PLCG2: variants seen among roughly 807,000 people sequenced by gnomAD.
PLCG2 encodes 1-phosphatidylinositol 4,5-bisphosphate phosphodiesterase gamma-2.
PLCG2 carries 69 observed loss-of-function variants against 175.6 expected under a neutral mutation model. The ratio of observed to expected loss-of-function variants is 0.39; its 90% CI spans 0.32 to 0.48. The LOEUF (loss-of-function observed/expected upper bound fraction) is 0.48, where lower values mean the gene tolerates loss of function less well. Ranked by LOEUF, PLCG2 falls within the 20% of genes least tolerant of loss-of-function variation. The pLI, the probability that PLCG2 is intolerant of heterozygous loss-of-function variation, is 0.91. For synonymous variants in PLCG2, 827 were observed against 624.0 expected, an observed-to-expected ratio of 1.33 and a Z score of -4.85; for missense variants, 1,798 against 1,650.9, an observed-to-expected ratio of 1.09 and a Z score of -1.54.
intron 17 of PLCG2, among the ~76,000 whole-genome samples, chr16:81,909,245 C>A (rs895953458): frequency 6.6e-6 from 1 of 152,124 alleles, no homozygotes; most frequent in Non-Finnish European, 1.5e-5. Flanking sequence ...GTGATGAGTG[C>A]AATGAAACAA....
intron 15 of PLCG2, 139 bp from the exon 16 acceptor site, chr16:81,907,546 G>A: frequency 3.7e-6 from 2 of 540,846 alleles, no homozygotes; most frequent in Non-Finnish European, 6.7e-6. Context: ...TGAATTCAGA[G>A]AATTCGCCAT....
At chr16:81,887,845 C>G (rs567742484) in intron 9 of PLCG2, among the ~76,000 whole-genome samples, 1 of 152,338 alleles carries the variant, frequency 6.6e-6, no homozygotes, top group South Asian at 2.1e-4. Flanking sequence ...GAGAGGAAAG[C>G]AACAGTTACT....
chr16:81,961,348 GA>G lies in PLCG2; in HGVS notation c.*3354del, dbSNP rs1911770965. On this transcript the variant is annotated 3_prime_UTR_variant, in exon 33 of 33. Coordinates refer to ENST00000564138, the MANE Select transcript of PLCG2 (RefSeq NM_002661.5). ...TCTACATAGATGAAATAATTGTGGAGAAAAGCCCTCTTTATCTCATTAAGTG... is the reference window on the plus strand; with the variant it reads ...TCTACATAGATGAAATAATTGTGGAGAAAGCCCTCTTTATCTCATTAAGTG... 1 of 226,164 alleles carries G rather than the reference GA, an allele frequency of 4.4e-6. No individual in the cohort carries two copies. The highest frequency in any genetic ancestry group is 6.4e-5 in the East Asian group (1 of 15,524). 14.0% of individuals were successfully genotyped at this position (226,164 alleles called of 1,614,324 possible). A position where few individuals can be genotyped will look rare whatever the true frequency, so the allele number is the denominator to read the frequency against.
chr16:81,805,754 A>G (rs1911977787), intron 2 of PLCG2, among the ~76,000 whole-genome samples: 1 of 115,816 alleles, frequency 8.6e-6, no homozygotes, highest in African/African-American at 3.7e-5. Context: ...CCATGAGAGT[A>G]GTGTTTTGTT....
rs1071644 is a variant in PLCG2 at position 81,937,798 on chromosome 16, T to C, written c.3093T>C (p.Asn1031=). The change falls in exon 28 of 33, where the codon AAT becomes AAC. Residue 1031 remains asparagine (N), a synonymous_variant. Transcript: ENST00000564138. The stretch of plus-strand genomic sequence containing the variant: ...TGAATCACGCATTGTTTTCTCTCAA[T>C]GGGCGCACGGGCTACGTTCTGCAGC... ...MQMNHALFSL[N]GRTGYVLQPE... 0.49 allele frequency: 788,731 copies of C among 1,613,270 alleles called. 200,986 individuals carry two copies. The highest frequency in any genetic ancestry group is 0.53 in the Non-Finnish European group (621,224 of 1,179,386).
chr16:81,842,305 G>A (rs540224698), intron 2 of PLCG2, among the ~76,000 whole-genome samples: 43 of 152,308 alleles, frequency 2.8e-4, no homozygotes, highest in Non-Finnish European at 5.0e-4. Flanking sequence ...CCCCAGTGTG[G>A]ACTCTGTTGC....
chr16:81,839,536 C>T (rs541034586), intron 2 of PLCG2, among the ~76,000 whole-genome samples: 1 of 152,158 alleles, frequency 6.6e-6, no homozygotes, highest in South Asian at 2.1e-4. Context: ...ACCATGAGTA[C>T]TATTTTATAT....
intron 7 of PLCG2, among the ~76,000 whole-genome samples, chr16:81,880,104 G>A (rs564123162): frequency 1.6e-4 from 24 of 152,310 alleles, no homozygotes; most frequent in Admixed American, 1.3e-3. Context: ...AGCCGGGCAT[G>A]GTGGCGCATG....
intron 13 of PLCG2, among the ~76,000 whole-genome samples, chr16:81,896,340 C>T (rs1908885752): frequency 6.7e-6 from 1 of 148,746 alleles, no homozygotes; most frequent in Non-Finnish European, 1.5e-5. Context: ...GCCTGGGCAA[C>T]ATGGTGAAAC....
intron 13 of PLCG2, among the ~76,000 whole-genome samples, chr16:81,897,522 TC>T (rs909111048): frequency 1.3e-5 from 2 of 148,742 alleles, no homozygotes; most frequent in African/African-American, 2.5e-5. Context: ...GATTATTTTT[TC>T]TCTTTTTTTC....
chr16:81,748,978 T>G (rs1268006699), intron 1 of PLCG2, among the ~76,000 whole-genome samples: 1 of 152,128 alleles, frequency 6.6e-6, no homozygotes, highest in Non-Finnish European at 1.5e-5. Flanking sequence ...CTGAGGCCTG[T>G]GGCGGGGGGT....
At chr16:81,764,102 G>A (rs536764198) in intron 2 of PLCG2, among the ~76,000 whole-genome samples, 2 of 152,074 alleles carry the variant, frequency 1.3e-5, no homozygotes, top group Non-Finnish European at 2.9e-5. Flanking sequence ...AGACCAGCCT[G>A]GGTAACATGG....
intron 19 of PLCG2, among the ~76,000 whole-genome samples, chr16:81,919,055 C>T (rs1172243015): frequency 2.6e-5 from 4 of 152,186 alleles, no homozygotes; most frequent in East Asian, 1.9e-4. Context: ...GTTGCAGCTA[C>T]ACAACTCTGC....
intron 19 of PLCG2, among the ~76,000 whole-genome samples, chr16:81,918,499 C>A (rs376725052): frequency 1.1e-4 from 17 of 152,144 alleles, no homozygotes; most frequent in East Asian, 5.8e-4. Context: ...ACTTATTTAA[C>A]AGACTGTCCT....
rs1334798852 is a variant in PLCG2, at chr16:81,960,838, A to G, written c.*2840A>G. Reference sequence around the variant, plus strand: ...AGTATACCAGAGCTTTCCAAGGAATACACAGACTCCAGTACTCTCAGGGGA... The same window carrying G: ...AGTATACCAGAGCTTTCCAAGGAATGCACAGACTCCAGTACTCTCAGGGGA... On this transcript the variant is annotated 3_prime_UTR_variant, in exon 33 of 33. Transcript: ENST00000564138. 2 of 229,712 alleles carry G rather than the reference A, an allele frequency of 8.7e-6. No homozygotes were observed. Among genetic ancestry groups the G allele is most frequent in the South Asian group, 1.8e-4 (1 of 5,510 alleles). The allele number at this position is 229,712 out of a possible 1,614,324, so 14.2% of individuals were successfully genotyped here. A position where few individuals can be genotyped will look rare whatever the true frequency, so the allele number is the denominator to read the frequency against.
chr16:81,802,006 A>G (rs894668953), intron 2 of PLCG2, among the ~76,000 whole-genome samples: 1 of 150,326 alleles, frequency 6.7e-6, no homozygotes, highest in African/African-American at 2.4e-5. Flanking sequence ...AATGGCTTCC[A>G]AAAAATCTGT....
At chr16:81,937,944 C>T in intron 28 of PLCG2, 41 bp downstream of exon 28, 2 of 1,606,918 alleles carry the variant, frequency 1.2e-6, no homozygotes, top group Non-Finnish European at 1.7e-6. Context: ...AGCCAGCCGC[C>T]CTCCCTGGGG....
chr16:81,938,685 A>T lies in PLCG2; in HGVS notation c.3199-116A>T, dbSNP rs566524858. On this transcript the variant is annotated intron_variant, in intron 28 of 32. Transcript: ENST00000564138. ...TCCGGCTTTTCCAGTGAATCTAGGA[A>T]AATTAGGGCTGGCATTGAACTCATC... 3.1e-4 allele frequency: 194 copies of T among 628,746 alleles called. 3 individuals are homozygous for T. In the South Asian group the frequency reaches 3.6e-3, roughly 12 times the overall value. The allele number at this position is 628,746 out of a possible 1,614,324, so 38.9% of individuals were successfully genotyped here.
At chr16:81,816,838 G>C (rs4889405) in intron 2 of PLCG2, among the ~76,000 whole-genome samples, 1 of 151,824 alleles carries the variant, frequency 6.6e-6, no homozygotes, top group Non-Finnish European at 1.5e-5. Context: ...CTGATGTCCA[G>C]AAGCAAGAAC....
Sources: gnomAD v4.1 joint callset for allele counts (sites outside exome capture counted in the v4.1 genomes callset) on GRCh38, gnomAD v4.1.1 for gene constraint, MANE v1.5 for transcripts, NCBI Gene and HGNC (gene_info 2026-07-23, HGNC 2026-07-21) for gene names.